The following PCDHGA8 variants were observed in gnomAD, a reference collection of about 807,000 sequenced individuals.
The protein encoded by PCDHGA8 is protocadherin gamma subfamily A, 8, also known as protocadherin gamma-A8.
In PCDHGA8, 45 loss-of-function variants were observed where a neutral mutation model predicts 59.2. The observed-to-expected ratio is 0.76, with a 90% confidence interval of 0.60 to 0.98. The LOEUF is 0.98. Among genes scored for constraint, PCDHGA8 ranks in the 50% least tolerant of loss-of-function variants. The pLI is 0.00. For missense variants in PCDHGA8, 1,257 were observed against 1,196.2 expected (o/e 1.05, Z -0.75); for synonymous variants, 531 against 519.0 (o/e 1.02, Z -0.32).
At chr5:141,417,795 T>C in intron 1 of PCDHGA8, 1 of 1,483,780 alleles carries the variant, frequency 6.7e-7, no homozygotes, top group Non-Finnish European at 9.0e-7. Context: ...AATGCTCTTT[T>C]AGCGCGGTAG....
chr5:141,410,437 G>C, intron 1 of PCDHGA8: 1 of 1,614,040 alleles, frequency 6.2e-7, no homozygotes, highest in Non-Finnish European at 8.5e-7. Context: ...ACTACAGTGA[G>C]GGGACTTTGC....
rs751318430 is a variant in PCDHGA8 at position 141,485,603 on chromosome 5, G to A, written c.2425-9204G>A. 1 of 1,612,482 alleles carries A rather than the reference G, an allele frequency of 6.2e-7. No homozygotes were observed. The stretch of plus-strand genomic sequence containing the variant: ...GCAGCAGCTGGACTTGGAAATTGGG[G>A]AGGCAGCTCCTCCAGGACAGCGTTT... On this transcript the variant is annotated intron_variant, in intron 1 of 3. Coordinates refer to ENST00000398604, the MANE Select transcript of PCDHGA8 (RefSeq NM_032088.2). This position sits in a 1 kb window ranked among gnomAD's most constrained non-coding sequence, Gnocchi z 5.7.
At chr5:141,460,456 T>C (rs2098989632) in intron 1 of PCDHGA8, among the ~76,000 whole-genome samples, 1 of 152,124 alleles carries the variant, frequency 6.6e-6, no homozygotes, top group South Asian at 2.1e-4. Flanking sequence ...AAGATTCATA[T>C]TTTTTTCCAA....
chr5:141,433,079 A>C, intron 1 of PCDHGA8: 1 of 1,614,208 alleles, frequency 6.2e-7, no homozygotes, highest in South Asian at 1.1e-5. Flanking sequence ...CCCCCAGCCC[A>C]ACTATGCAGA....
chr5:141,489,246 G>A lies in PCDHGA8; in HGVS notation c.2425-5561G>A, dbSNP rs141115698. On this transcript the variant is annotated intron_variant, in intron 1 of 3. Coordinates refer to ENST00000398604, the MANE Select transcript of PCDHGA8 (RefSeq NM_032088.2). The surrounding 1 kb of genome is among the most constrained non-coding windows in gnomAD (Gnocchi z 4.5). Reference sequence around the variant, plus strand: ...CACAAAGGGACTTCTGGGTCATGGGGCCCAAGACACTCCCACAGCTCGCTG... The same window carrying A: ...CACAAAGGGACTTCTGGGTCATGGGACCCAAGACACTCCCACAGCTCGCTG... 750 of 1,544,746 alleles carry A rather than the reference G, an allele frequency of 4.9e-4. No homozygotes were observed. The highest frequency in any genetic ancestry group is 6.3e-4 in the Non-Finnish European group (726 of 1,145,538).
intron 2 of PCDHGA8, among the ~76,000 whole-genome samples, chr5:141,495,094 C>T (rs1470702358): frequency 6.6e-6 from 1 of 152,156 alleles, no homozygotes; most frequent in African/African-American, 2.4e-5. Flanking sequence ...CTTCCCTCCT[C>T]GCCACGACCG....
intron 1 of PCDHGA8, chr5:141,423,108 GC>G: frequency 1.2e-6 from 2 of 1,613,864 alleles, no homozygotes; most frequent in African/African-American, 2.7e-5. Flanking sequence ...CGGGCGAGGT[GC>G]GTACAGCGCG....
chr5:141,427,896 C>G, intron 1 of PCDHGA8: 1 of 1,570,508 alleles, frequency 6.4e-7, no homozygotes, highest in East Asian at 2.2e-5. Context: ...CCAGGGCTCG[C>G]CCGCGCTCAG....
intron 1 of PCDHGA8, chr5:141,398,734 G>C (rs768663543): frequency 6.2e-7 from 1 of 1,613,788 alleles, no homozygotes; most frequent in Non-Finnish European, 8.5e-7. Context: ...CTTAGACCGG[G>C]AACAACAGAG....
In PCDHGA8 at chr5:141,431,135, A is replaced by T. The variant is rs140069213; in HGVS notation, c.2424+35898A>T. On this transcript the variant is annotated intron_variant, in intron 1 of 3. Transcript: ENST00000398604. This position sits in a 1 kb window ranked among gnomAD's most constrained non-coding sequence, Gnocchi z 4.8. ...TGGAGTAGAAGTAGAAGTAAGGGAC[A>T]TTAACGACAATGCGCCTTACTTTCG... 1 of 1,614,266 alleles carries T rather than the reference A, an allele frequency of 6.2e-7. No homozygotes were observed. Among genetic ancestry groups the T allele is most frequent in the African/African-American group, 1.3e-5 (1 of 75,078 alleles).
At position 141,413,407 on chromosome 5, in the gene PCDHGA8, C is replaced by G. The variant is rs372466798; in HGVS notation, c.2424+18170C>G. The G allele has an allele frequency of 3.3e-5, 53 of 1,613,926 alleles. No homozygotes were observed. Among genetic ancestry groups the G allele is most frequent in the Middle Eastern group, 1.6e-4 (1 of 6,082 alleles). ...CATAGTCTCCAGAGGTAGGACGCAG[C>G]TTTTCTCTCTGAACCCGCGCAGCGG... On this transcript the variant is annotated intron_variant, in intron 1 of 3. Transcript: ENST00000398604.
chr5:141,399,631 T>A lies in PCDHGA8; in HGVS notation c.2424+4394T>A, dbSNP rs1251761184. On this transcript the variant is annotated intron_variant, in intron 1 of 3. Transcript: ENST00000398604. ...GCCTCTGGCACTGGCCTCTTACGTGTCCATGAGCGCGCAAAGTGGGGTGGT... is the reference window on the plus strand; with the variant it reads ...GCCTCTGGCACTGGCCTCTTACGTGACCATGAGCGCGCAAAGTGGGGTGGT... 31 of 1,613,746 alleles carry A rather than the reference T, an allele frequency of 1.9e-5. No homozygotes were observed. The highest frequency in any genetic ancestry group is 2.4e-5 in the Non-Finnish European group (28 of 1,179,892).
intron 1 of PCDHGA8, chr5:141,419,533 C>A: frequency 6.2e-7 from 1 of 1,612,106 alleles, no homozygotes; most frequent in Non-Finnish European, 8.5e-7. Flanking sequence ...GTAACGACAA[C>A]GCACCGCGGG....
At chr5:141,397,842 G>T (rs7703108) in intron 1 of PCDHGA8, 79,958 of 516,008 alleles carry the variant, frequency 0.15, 7,302 homozygotes, top group African/African-American at 0.31. Flanking sequence ...ACTTGAAGCC[G>T]CAGAGGCTGT....
In PCDHGA8 at chr5:141,487,934, C is replaced by T; in HGVS notation, c.2425-6873C>T. 4.9e-6 allele frequency: 3 copies of T among 607,674 alleles called. No homozygotes were observed. The highest frequency in any genetic ancestry group is 2.1e-5 in the South Asian group (1 of 48,014). 37.6% of individuals were successfully genotyped at this position (607,674 alleles called of 1,614,324 possible). Reference sequence around the variant, plus strand: ...ACAGGAGGCTACAGTGCACAGGGTACAGTGCACCAGGCAGTCACTTGGACA... The same window carrying T: ...ACAGGAGGCTACAGTGCACAGGGTATAGTGCACCAGGCAGTCACTTGGACA... On this transcript the variant is annotated intron_variant, in intron 1 of 3. Transcript: ENST00000398604. This position sits in a 1 kb window ranked among gnomAD's most constrained non-coding sequence, Gnocchi z 5.0.
chr5:141,462,408 A>G (rs1240372917), intron 1 of PCDHGA8, among the ~76,000 whole-genome samples: 2 of 152,188 alleles, frequency 1.3e-5, no homozygotes, highest in Non-Finnish European at 2.9e-5. Context: ...ATGGCACAGA[A>G]TATGGTCTAT....
chr5:141,444,561 GA>G (rs778707459), intron 1 of PCDHGA8, among the ~76,000 whole-genome samples: 17 of 152,098 alleles, frequency 1.1e-4, no homozygotes, highest in Non-Finnish European at 2.1e-4. Context: ...GCACTTATTT[GA>G]CACTTTTGAC....
chr5:141,496,888 T>TA (rs35063790), intron 2 of PCDHGA8, among the ~76,000 whole-genome samples: 34,968 of 133,936 alleles, frequency 0.26, 4,377 homozygotes, highest in Admixed American at 0.34. Flanking sequence ...AAGTAACACT[T>TA]AAAAAAAAAA....
At chr5:141,509,544 A>AT (rs1312201678) in intron 3 of PCDHGA8, among the ~76,000 whole-genome samples, 1 of 152,150 alleles carries the variant, frequency 6.6e-6, no homozygotes, top group Non-Finnish European at 1.5e-5. Context: ...GCACCATCTC[A>AT]TTTAGTCCTC....
Sources: gnomAD v4.1 joint callset for allele counts (sites outside exome capture counted in the v4.1 genomes callset) on GRCh38, gnomAD v4.1.1 for gene constraint, Gnocchi (gnomAD v3.1) non-coding constraint, MANE v1.5 for transcripts, NCBI Gene and HGNC (gene_info 2026-07-23, HGNC 2026-07-21) for gene names.